GNPTAB: variants seen among roughly 807,000 people sequenced by gnomAD.
GNPTAB encodes the protein N-acetylglucosamine-1-phosphotransferase subunits alpha/beta.
Under a neutral mutation model 136.6 loss-of-function variants are expected in GNPTAB, and 92 were observed. The ratio of observed to expected loss-of-function variants is 0.67; its 90% CI spans 0.57 to 0.80. The LOEUF is 0.80. Ranked by LOEUF, GNPTAB falls within the 30% of genes least tolerant of loss-of-function variation. The probability of loss-of-function intolerance (pLI) is 0.00; values close to 1 mark genes in which losing one functional copy is unlikely to be tolerated. For synonymous variants in GNPTAB, 512 were observed against 535.1 expected (o/e 0.96, Z 0.60); for missense variants, 1,343 against 1,501.8 (o/e 0.89, Z 1.75).
intron 1 of GNPTAB, among the ~76,000 whole-genome samples, chr12:101,804,786 T>C (rs1331590534): frequency 6.6e-6 from 1 of 152,190 alleles, no homozygotes; most frequent in African/African-American, 2.4e-5. Context: ...GTCACAAAAA[T>C]ACACAAGGTG....
At chr12:101,769,955 G>T in intron 10 of GNPTAB, 66 bp downstream of exon 10, 1 of 1,390,136 alleles carries the variant, frequency 7.2e-7, no homozygotes, top group Non-Finnish European at 1.0e-6. Context: ...AGTAGTATGT[G>T]CACTCATTTT....
chr12:101,756,403 C>A, intron 18 of GNPTAB: 3 of 297,980 alleles, frequency 1.0e-5, no homozygotes, highest in Non-Finnish European at 2.0e-5. Context: ...TTTAAAAGAC[C>A]CAGAAATTAA....
intron 1 of GNPTAB, among the ~76,000 whole-genome samples, chr12:101,805,540 G>A (rs954931812): frequency 2.0e-5 from 3 of 152,140 alleles, no homozygotes; most frequent in Non-Finnish European, 4.4e-5. Context: ...GACTACAGGT[G>A]CACATCACTA....
intron 13 of GNPTAB, among the ~76,000 whole-genome samples, chr12:101,763,234 A>G (rs1953028837): frequency 1.1e-5 from 1 of 88,212 alleles, no homozygotes; most frequent in Non-Finnish European, 2.9e-5. Flanking sequence ...AAAAAAAAAA[A>G]AAAGAAAGGA....
intron 16 of GNPTAB, among the ~76,000 whole-genome samples, chr12:101,758,209 T>C (rs1952932345): frequency 6.6e-6 from 1 of 152,228 alleles, no homozygotes; most frequent in Admixed American, 6.5e-5. Context: ...CAACTCATTT[T>C]TGTATTTTTA....
intron 19 of GNPTAB, among the ~76,000 whole-genome samples, chr12:101,752,082 AT>A (rs1433701646): frequency 6.6e-6 from 1 of 151,950 alleles, no homozygotes; most frequent in Non-Finnish European, 1.5e-5. Context: ...GCTAGTGATT[AT>A]TCCCACAGTA....
chr12:101,814,003 C>T (rs1021163876), intron 1 of GNPTAB, among the ~76,000 whole-genome samples: 4 of 151,462 alleles, frequency 2.6e-5, no homozygotes, highest in African/African-American at 9.7e-5. Flanking sequence ...CGCTTGAACC[C>T]GGGAGGCGGA....
intron 16 of GNPTAB, among the ~76,000 whole-genome samples, chr12:101,759,139 G>A (rs922595145): frequency 3.3e-5 from 5 of 152,218 alleles, no homozygotes; most frequent in Middle Eastern, 3.4e-3. Context: ...TAAGGCAGGC[G>A]TATCACAAGG....
At chr12:101,806,519 C>T (rs1489890595) in intron 1 of GNPTAB, among the ~76,000 whole-genome samples, 4 of 152,058 alleles carry the variant, frequency 2.6e-5, no homozygotes, top group African/African-American at 7.2e-5. Flanking sequence ...GTAACTAATG[C>T]CACTGAGTTA....
At chr12:101,772,372 A>C (rs1303006306) in intron 7 of GNPTAB, among the ~76,000 whole-genome samples, 5 of 152,216 alleles carry the variant, frequency 3.3e-5, no homozygotes, top group Non-Finnish European at 7.3e-5. Context: ...CTGCATGACT[A>C]TTCTTAGCTC....
chr12:101,783,393 C>T (rs547768820), intron 5 of GNPTAB, among the ~76,000 whole-genome samples: 1 of 152,098 alleles, frequency 6.6e-6, no homozygotes, highest in Non-Finnish European at 1.5e-5. Context: ...TAAAATGTCC[C>T]AAGGGAGAGG....
chr12:101,759,294 C>T (rs367817412), intron 16 of GNPTAB, among the ~76,000 whole-genome samples: 2 of 139,332 alleles, frequency 1.4e-5, no homozygotes, highest in Admixed American at 7.9e-5. Context: ...ACCCGGAAGG[C>T]GGAGCTTGCA....
chr12:101,760,012 G>A lies in GNPTAB; in HGVS notation c.3249+18C>T. The A allele has an allele frequency of 1.4e-6, 2 of 1,383,100 alleles. No homozygotes were observed. The highest frequency in any genetic ancestry group is 2.1e-6 in the Non-Finnish European group (2 of 969,790). The allele number at this position is 1,383,100 out of a possible 1,614,324, so 85.7% of individuals were successfully genotyped here. ...GATGTACTTTCTGTTGTACATAAAA[G>A]TAACCCATTCCACTTACCAGGTTGG... On this transcript the variant is annotated intron_variant, in intron 16 of 20. Coordinates refer to ENST00000299314, the MANE Select transcript of GNPTAB (RefSeq NM_024312.5).
At chr12:101,818,598 A>G (rs961036657) in intron 1 of GNPTAB, among the ~76,000 whole-genome samples, 1 of 152,094 alleles carries the variant, frequency 6.6e-6, no homozygotes, top group Non-Finnish European at 1.5e-5. Context: ...GCTGGTCTCA[A>G]ACTCCTGACT....
At position 101,746,248 on chromosome 12, in the gene GNPTAB, C is replaced by G. The variant is rs776518483; in HGVS notation, c.*916G>C. ...TGGCCTGCAATAATTTACTAACCAG[C>G]CTTTTACAAAGAAAGTTTGCTGGCC... On this transcript the variant is annotated 3_prime_UTR_variant, in exon 21 of 21. Coordinates refer to ENST00000299314, the MANE Select transcript of GNPTAB (RefSeq NM_024312.5). 3.9e-5 allele frequency: 6 copies of G among 151,918 alleles called. No individual in the cohort carries two copies. The highest frequency in any genetic ancestry group is 1.4e-4 in the African/African-American group (6 of 41,410). 9.4% of individuals were successfully genotyped at this position (151,918 alleles called of 1,614,324 possible).
intron 1 of GNPTAB, among the ~76,000 whole-genome samples, chr12:101,801,966 T>C (rs904240827): frequency 1.3e-5 from 2 of 151,920 alleles, no homozygotes; most frequent in Admixed American, 6.6e-5. Context: ...GGCTGGAGGA[T>C]GGCTTGAAGT....
intron 1 of GNPTAB, among the ~76,000 whole-genome samples, chr12:101,819,845 G>T (rs1470841027): frequency 1.3e-5 from 2 of 152,146 alleles, no homozygotes; most frequent in Non-Finnish European, 2.9e-5. Context: ...TATTTTAGAA[G>T]GAACTATAGG....
intron 17 of GNPTAB, 112 bp from the exon 18 acceptor site, chr12:101,757,422 T>C: frequency 1.3e-6 from 1 of 787,714 alleles, no homozygotes; most frequent in Non-Finnish European, 2.1e-6. Context: ...ATCCACAAAA[T>C]AACTTAAACT....
intron 18 of GNPTAB, chr12:101,756,802 T>C (rs975133989): frequency 5.7e-6 from 1 of 174,926 alleles, no homozygotes; most frequent in African/African-American, 2.4e-5. Context: ...AGGTTCACAT[T>C]TACGGTAGCA....
Sources: allele counts gnomAD v4.1 joint callset (sites outside exome capture counted in the v4.1 genomes callset), GRCh38; gene constraint gnomAD v4.1.1; transcripts MANE v1.5; gene names NCBI Gene and HGNC (gene_info 2026-07-23, HGNC 2026-07-21).